The following PDE1C variants were observed in gnomAD, a reference collection of about 807,000 sequenced individuals.
PDE1C encodes phosphodiesterase 1C, also known as dual specificity calcium/calmodulin-dependent 3',5'-cyclic nucleotide phosphodiesterase 1C.
Under a neutral mutation model 93.1 loss-of-function variants are expected in PDE1C, and 62 were observed. The observed-to-expected ratio is 0.67, with a 90% CI of 0.54 to 0.82. PDE1C has a LOEUF of 0.82. PDE1C is among the 40% of genes least tolerant of loss of function. The pLI, the probability that PDE1C is intolerant of heterozygous loss-of-function variation, is 0.00. For synonymous variants in PDE1C, 325 were observed against 310.1 expected (o/e 1.05, Z -0.50); for missense variants, 742 against 884.6 (o/e 0.84, Z 2.04).
chr7:32,005,487 C>T (rs184542453), intron 2 of PDE1C, among the ~76,000 whole-genome samples: 379 of 134,420 alleles, frequency 2.8e-3, no homozygotes, highest in Non-Finnish European at 3.7e-3. Context: ...ACCCAGGAGG[C>T]GGAGCTTGCA....
intron 1 of PDE1C, among the ~76,000 whole-genome samples, chr7:32,250,139 C>T (rs1809257441): frequency 6.6e-6 from 1 of 152,150 alleles, no homozygotes; most frequent in South Asian, 2.1e-4. Flanking sequence ...AGTAATGACA[C>T]AAGAGCTCCC....
intron 1 of PDE1C, among the ~76,000 whole-genome samples, chr7:32,236,466 A>G (rs1286743702): frequency 6.6e-6 from 1 of 152,192 alleles, no homozygotes; most frequent in Non-Finnish European, 1.5e-5. Context: ...TAGGAAGAAA[A>G]CATTCGCCCC....
chr7:31,850,149 G>C (rs1468912357), intron 8 of PDE1C, among the ~76,000 whole-genome samples: 1 of 152,036 alleles, frequency 6.6e-6, no homozygotes, highest in East Asian at 1.9e-4. Context: ...CCTGTGCCAG[G>C]GAGTGGTGCA....
chr7:31,977,103 A>C (rs1300339884), intron 2 of PDE1C, among the ~76,000 whole-genome samples: 4 of 152,198 alleles, frequency 2.6e-5, no homozygotes, highest in African/African-American at 9.6e-5. Context: ...CTATAGTTTA[A>C]ATCTGTCTCA....
At chr7:31,846,976 A>G (rs1792714644) in intron 9 of PDE1C, among the ~76,000 whole-genome samples, 1 of 152,182 alleles carries the variant, frequency 6.6e-6, no homozygotes, top group Non-Finnish European at 1.5e-5. Flanking sequence ...TAAATCCTTG[A>G]AAGATGGTGA....
intron 3 of PDE1C, among the ~76,000 whole-genome samples, chr7:32,144,514 C>A (rs1460532007): frequency 6.6e-6 from 1 of 152,162 alleles, no homozygotes; most frequent in East Asian, 1.9e-4. Context: ...ATTCAGGACC[C>A]ATCCTGAGGG....
chr7:32,156,204 G>A (rs1481855498), intron 3 of PDE1C, among the ~76,000 whole-genome samples: 1 of 152,260 alleles, frequency 6.6e-6, no homozygotes, highest in East Asian at 1.9e-4. Context: ...GTGTGCCATG[G>A]TGGTTTGCTG....
chr7:31,979,245 G>A (rs1045801945), intron 2 of PDE1C, among the ~76,000 whole-genome samples: 6 of 152,104 alleles, frequency 3.9e-5, no homozygotes, highest in African/African-American at 1.4e-4. Flanking sequence ...TCACCCTGGA[G>A]TTACACAGAC....
At chr7:31,619,279 A>C in the PDE1C span, among the ~76,000 whole-genome samples, 2,183 of 152,284 alleles carry the variant, frequency 0.014, 31 homozygotes, top group Non-Finnish European at 0.022. Flanking sequence ...AACTCTCATA[A>C]TTTACATATG....
intron 11 of PDE1C, among the ~76,000 whole-genome samples, chr7:31,831,592 C>T (rs1458913190): frequency 6.6e-6 from 1 of 152,042 alleles, no homozygotes; most frequent in African/African-American, 2.4e-5. Context: ...AATACTACTG[C>T]TCTGATTGCC....
the PDE1C span, among the ~76,000 whole-genome samples, chr7:31,664,163 T>C: frequency 0.044 from 6,733 of 152,124 alleles, 489 homozygotes; most frequent in African/African-American, 0.15. Flanking sequence ...AGCTCTGTCA[T>C]GCAGCCCAAG....
At chr7:32,089,839 ACT>A (rs1023731656) in intron 3 of PDE1C, among the ~76,000 whole-genome samples, 2 of 152,178 alleles carry the variant, frequency 1.3e-5, no homozygotes, top group Non-Finnish European at 2.9e-5. Context: ...TATCTGGGAA[ACT>A]CTCTATCACC....
chr7:32,005,113 C>T (rs1177516500), intron 2 of PDE1C, among the ~76,000 whole-genome samples: 1 of 152,134 alleles, frequency 6.6e-6, no homozygotes, highest in Admixed American at 6.5e-5. Context: ...TTATAGAGCA[C>T]CTTTAAAACA....
chr7:32,027,309 G>A (rs1282204265), intron 2 of PDE1C, among the ~76,000 whole-genome samples: 1 of 151,928 alleles, frequency 6.6e-6, no homozygotes, highest in East Asian at 1.9e-4. Context: ...TCTCACTTTT[G>A]CTGTAAACCT....
At chr7:32,169,427 T>C (rs1321791936) in intron 3 of PDE1C, among the ~76,000 whole-genome samples, 1 of 152,152 alleles carries the variant, frequency 6.6e-6, no homozygotes, top group Non-Finnish European at 1.5e-5. Flanking sequence ...CTGAATTAAT[T>C]CCCAACACGT....
chr7:31,900,129 A>G (rs1370080727), intron 2 of PDE1C, among the ~76,000 whole-genome samples: 1 of 152,226 alleles, frequency 6.6e-6, no homozygotes, highest in Non-Finnish European at 1.5e-5. Flanking sequence ...AAACCCACAA[A>G]AAGAAATGTT....
chr7:32,361,075 C>T (rs771975115), intron 1 of PDE1C, among the ~76,000 whole-genome samples: 3 of 152,198 alleles, frequency 2.0e-5, no homozygotes, highest in Non-Finnish European at 4.4e-5. Flanking sequence ...ATTTAACACA[C>T]AACTATTAAG....
At chr7:31,958,285 T>C (rs922673617) in intron 2 of PDE1C, among the ~76,000 whole-genome samples, 6 of 152,186 alleles carry the variant, frequency 3.9e-5, no homozygotes, top group African/African-American at 1.2e-4. Flanking sequence ...TCTTTAAAGA[T>C]TACAATCATA....
intron 1 of PDE1C, among the ~76,000 whole-genome samples, chr7:32,347,254 C>G (rs1159418617): frequency 6.6e-6 from 1 of 152,146 alleles, no homozygotes; most frequent in Non-Finnish European, 1.5e-5. Flanking sequence ...ATTGGAGCCA[C>G]CTTCTGCTGA....
Sources: allele counts gnomAD v4.1 joint callset (sites outside exome capture counted in the v4.1 genomes callset), GRCh38; gene constraint gnomAD v4.1.1; transcripts MANE v1.5; gene names NCBI Gene and HGNC (gene_info 2026-07-23, HGNC 2026-07-21).